Variants in SQSTM1 observed in about 807,000 individuals in gnomAD.
SQSTM1 encodes the protein sequestosome-1.
SQSTM1 carries 36 observed loss-of-function variants against 45.1 expected under a neutral mutation model. The observed-to-expected ratio is 0.80, with a 90% confidence interval of 0.61 to 1.05. SQSTM1 has a LOEUF of 1.05. Ranked by LOEUF, SQSTM1 falls within the 50% of genes least tolerant of loss-of-function variation. The probability of loss-of-function intolerance (pLI) is 0.00; values close to 1 mark genes in which losing one functional copy is unlikely to be tolerated. For missense variants in SQSTM1, 617 were observed against 607.1 expected (o/e 1.02, Z -0.17); for synonymous variants, 290 against 244.3 (o/e 1.19, Z -1.74).
At chr5:179,817,625 G>C (rs1398244136), upstream of SQSTM1, among the ~76,000 whole-genome samples, 6 of 152,184 alleles carry the variant, frequency 3.9e-5, no homozygotes, top group Admixed American at 3.9e-4. Flanking sequence ...TTTTCTTTTA[G>C]AAAGATCTTT....
chr5:179,811,770 C>G (rs190431180), intron 2 of SQSTM1: 1 of 152,090 alleles, frequency 6.6e-6, no homozygotes, highest in Non-Finnish European at 1.5e-5. Flanking sequence ...GAGGGGAAAC[C>G]GTGACCCCAC....
chr5:179,830,965 G>T (rs576825579), intron 5 of SQSTM1, among the ~76,000 whole-genome samples: 81 of 152,346 alleles, frequency 5.3e-4, no homozygotes, highest in African/African-American at 1.8e-3. Flanking sequence ...TTCTCCCAAA[G>T]TGTTAGGATT....
intron 7 of SQSTM1, chr5:179,836,190 T>G (rs900799827): frequency 1.7e-6 from 1 of 596,540 alleles, no homozygotes; most frequent in African/African-American, 1.9e-5. Context: ...CAGTGTCCAT[T>G]GATGGTTCTG....
rs532680953 is a variant in SQSTM1 at position 179,834,703 on chromosome 5, CAT to C, written c.1165+922_1165+923del. 3.5e-4 allele frequency among the ~76,000 whole-genome samples: 54 copies of C among 152,312 alleles called. 1 individual carries two copies. The South Asian group carries it at 4.4e-3, about 12-fold the overall frequency. On this transcript the variant is annotated intron_variant, in intron 7 of 7. Coordinates refer to ENST00000389805, the MANE Select transcript of SQSTM1 (RefSeq NM_003900.5). ...CATTTAACCCTGAGTGGACACAGCA[CAT>C]GTTTCAGAGAGCACGGGGTTGGGGG...
chr5:179,833,248 C>T lies in SQSTM1; in HGVS notation c.969+2C>T, dbSNP rs1350361992. ...TTGGAGTCCGAGGGGCGCCCTGAGG[C>T]AAGCCTGTGCCCCTCCCGCCACCTG... On this transcript the variant is annotated splice_donor_variant, in intron 6 of 7. Coordinates refer to ENST00000389805, the MANE Select transcript of SQSTM1 (RefSeq NM_003900.5). LOFTEE classifies it low-confidence loss of function (GC_TO_GT_DONOR). 6.4e-7 allele frequency: 1 copy of T among 1,570,470 alleles called. No homozygotes were observed. Among genetic ancestry groups the T allele is most frequent in the East Asian group, 2.4e-5 (1 of 42,412 alleles).
intron 5 of SQSTM1, among the ~76,000 whole-genome samples, chr5:179,828,527 A>G (rs796576054): frequency 4.0e-5 from 6 of 151,876 alleles, no homozygotes; most frequent in African/African-American, 1.4e-4. Flanking sequence ...GGCATGCACC[A>G]TCACGCCTGG....
At chr5:179,811,873 C>G (rs1444472768) in intron 2 of SQSTM1, 1 of 152,220 alleles carries the variant, frequency 6.6e-6, no homozygotes, top group Non-Finnish European at 1.5e-5. Context: ...GGCGCCATCT[C>G]GGCTCACTGC....
In SQSTM1 at chr5:179,836,631, T is replaced by A; in HGVS notation, c.*38T>A. The stretch of plus-strand genomic sequence containing the variant: ...ACCTCTTCTGCGTGCCCCTCTTCTG[T>A]CTCATAGTTGTGTTAAGCTTGCGTA... On this transcript the variant is annotated 3_prime_UTR_variant, in exon 8 of 8. Coordinates refer to ENST00000389805, the MANE Select transcript of SQSTM1 (RefSeq NM_003900.5). 2 of 1,613,886 alleles carry A rather than the reference T, an allele frequency of 1.2e-6. No homozygotes were observed. Among genetic ancestry groups the A allele is most frequent in the South Asian group, 2.2e-5 (2 of 91,078 alleles).
intron 7 of SQSTM1, among the ~76,000 whole-genome samples, chr5:179,834,438 T>A (rs977175552): frequency 5.9e-5 from 9 of 152,134 alleles, no homozygotes; most frequent in Admixed American, 4.6e-4. Flanking sequence ...TTTTTATTGA[T>A]CATTCTTGGG....
At chr5:179,811,836 T>G (rs1316202112) in intron 2 of SQSTM1, among the ~76,000 whole-genome samples, 6 of 152,144 alleles carry the variant, frequency 3.9e-5, no homozygotes, top group Admixed American at 6.5e-5. Flanking sequence ...GAACGGCGGT[T>G]CTCTGTCGCC....
chr5:179,829,992 C>G (rs1037062820), intron 5 of SQSTM1, among the ~76,000 whole-genome samples: 4 of 152,094 alleles, frequency 2.6e-5, no homozygotes, highest in Non-Finnish European at 4.4e-5. Flanking sequence ...TACTTATGGC[C>G]CCAGCTACGT....
chr5:179,817,869 C>T (rs561845984), upstream of SQSTM1, among the ~76,000 whole-genome samples: 17 of 152,134 alleles, frequency 1.1e-4, no homozygotes, highest in South Asian at 3.3e-3. Flanking sequence ...ATTAGCAAGG[C>T]TTGGTGGCAG....
Position 179,837,707 on chromosome 5 carries a change from CT to C in SQSTM1, c.*1119del. Reference sequence around the variant, plus strand: ...TGGCTGCTCACTGTCCACATGTGAACTTTTTCTAGGTGGCAGGACAAATTGC... The same window carrying C: ...TGGCTGCTCACTGTCCACATGTGAACTTTTCTAGGTGGCAGGACAAATTGC... On this transcript the variant is annotated 3_prime_UTR_variant, in exon 8 of 8. Transcript: ENST00000389805. The C allele has an allele frequency of 6.2e-7, 1 of 1,614,152 alleles. No individual in the cohort carries two copies. Among genetic ancestry groups the C allele is most frequent in the Non-Finnish European group, 8.5e-7 (1 of 1,180,062 alleles).
upstream of SQSTM1, among the ~76,000 whole-genome samples, chr5:179,816,612 G>A (rs1368417730): frequency 1.3e-5 from 2 of 152,228 alleles, no homozygotes; most frequent in Non-Finnish European, 2.9e-5. Flanking sequence ...GGCGCTCCTA[G>A]AGAAGGCCAT....
At chr5:179,825,055 A>G in intron 4 of SQSTM1, 91 bp from the exon 5 acceptor site, 1 of 1,337,890 alleles carries the variant, frequency 7.5e-7, no homozygotes, top group Non-Finnish European at 1.1e-6. Context: ...GTCACCCGGG[A>G]ACACAGGGAC....
intron 1 of SQSTM1, chr5:179,807,015 G>A (rs1206627619): frequency 1.3e-5 from 2 of 151,060 alleles, no homozygotes; most frequent in East Asian, 3.9e-4. Flanking sequence ...ATTTAAAGGG[G>A]CCGCAGCACC....
At chr5:179,833,958 C>G (rs531172142) in intron 7 of SQSTM1, among the ~76,000 whole-genome samples, 176 bp downstream of exon 7, 5 of 152,068 alleles carry the variant, frequency 3.3e-5, no homozygotes, top group Admixed American at 6.5e-5. Flanking sequence ...TGAGCAATAG[C>G]GAGTAAGCTC....
Position 179,837,246 on chromosome 5 carries a change from T to C in SQSTM1, c.*653T>C. The C allele has an allele frequency of 6.2e-7, 1 of 1,602,604 alleles. No homozygotes were observed. On this transcript the variant is annotated 3_prime_UTR_variant, in exon 8 of 8. Coordinates refer to ENST00000389805, the MANE Select transcript of SQSTM1 (RefSeq NM_003900.5). ...CAATCTAATTAAATGGCATCAGCAC[T>C]TTAACCAATGACGTTTGCATAGAGA...
At chr5:179,829,129 A>G (rs1758113382) in intron 5 of SQSTM1, among the ~76,000 whole-genome samples, 1 of 152,216 alleles carries the variant, frequency 6.6e-6, no homozygotes, top group Non-Finnish European at 1.5e-5. Flanking sequence ...AGGAGACCTC[A>G]TGTTTAATTC....
Sources: gnomAD v4.1 joint callset for allele counts (sites outside exome capture counted in the v4.1 genomes callset) on GRCh38, gnomAD v4.1.1 for gene constraint, MANE v1.5 for transcripts, NCBI Gene and HGNC (gene_info 2026-07-23, HGNC 2026-07-21) for gene names.